Variants in PSMB2 observed in about 807,000 individuals in gnomAD.
PSMB2 encodes the protein proteasome subunit beta type-2.
Under a neutral mutation model 25.7 loss-of-function variants are expected in PSMB2, and 13 were observed. The ratio of observed to expected loss-of-function variants is 0.51; its 90% CI spans 0.33 to 0.80. The LOEUF (loss-of-function observed/expected upper bound fraction) is 0.80. Ranked by LOEUF, PSMB2 falls within the 30% of genes least tolerant of loss-of-function variation. PSMB2 has a pLI of 0.02. For missense variants in PSMB2, 202 were observed against 259.0 expected, an observed-to-expected ratio of 0.78 and a Z score of 1.51; for synonymous variants, 87 against 96.2, an observed-to-expected ratio of 0.90 and a Z score of 0.56.
At chr1:35,628,631 A>ATTT (rs138110586) in intron 3 of PSMB2, among the ~76,000 whole-genome samples, 3 of 38,082 alleles carry the variant, frequency 7.9e-5, no homozygotes, top group African/African-American at 1.3e-4. Flanking sequence ...ATATATATAT[A>ATTT]TTTTTTTTTT....
chr1:35,601,129 T>C lies in PSMB2; in HGVS notation c.*2138A>G, dbSNP rs1291428793. 5.5e-5 allele frequency: 46 copies of C among 842,924 alleles called. No homozygotes were observed. The highest frequency in any genetic ancestry group is 6.2e-5 in the Non-Finnish European group (44 of 712,030). The allele number at this position is 842,924 out of a possible 1,614,324, so 52.2% of individuals were successfully genotyped here. Reference sequence around the variant, plus strand: ...TCAGCCAGGCTGGAGTGCAGTGGCATGATCTCGGCTCACTGCAACCTCCCT... The same window carrying C: ...TCAGCCAGGCTGGAGTGCAGTGGCACGATCTCGGCTCACTGCAACCTCCCT... On this transcript the variant is annotated 3_prime_UTR_variant, in exon 6 of 6. Coordinates refer to ENST00000373237, the MANE Select transcript of PSMB2 (RefSeq NM_002794.5).
rs1288468933 is a variant in PSMB2, at chr1:35,633,484, C to CCAAACACAGTTTTTGTCTGTG, written c.215-2161_215-2141dup. On this transcript the variant is annotated intron_variant, in intron 2 of 5. Transcript: ENST00000373237. ...TAAGGGTCTTTAAGGGCAATTTTAA[C>CCAAACACAGTTTTTGTCTGTG]CAAACACAGTTTTTGTCTGTGCACT... Among the ~76,000 whole-genome samples, 10 of 56,634 alleles carry CCAAACACAGTTTTTGTCTGTG rather than the reference C, an allele frequency of 1.8e-4. No individual in the cohort carries two copies. The East Asian group carries it at 2.0e-3, about 12-fold the overall frequency. 37.2% of individuals were successfully genotyped at this position (56,634 alleles called of 152,430 possible).
chr1:35,607,612 G>A (rs1650205096), intron 4 of PSMB2, among the ~76,000 whole-genome samples: 1 of 152,222 alleles, frequency 6.6e-6, no homozygotes, highest in African/African-American at 2.4e-5. Flanking sequence ...AGGGAGGACA[G>A]TATGGCGGTC....
At chr1:35,629,491 G>C (rs1395858760) in intron 3 of PSMB2, among the ~76,000 whole-genome samples, 1 of 152,120 alleles carries the variant, frequency 6.6e-6, no homozygotes, top group Non-Finnish European at 1.5e-5. Flanking sequence ...TGTATGCTTT[G>C]GGAAAAAGTC....
Position 35,601,145 on chromosome 1 carries a change from C to A in PSMB2, c.*2122G>T, listed in dbSNP as rs960143353. The stretch of plus-strand genomic sequence containing the variant: ...GCAGTGGCATGATCTCGGCTCACTG[C>A]AACCTCCCTCTCCCGGGCTCAAGCA... On this transcript the variant is annotated 3_prime_UTR_variant, in exon 6 of 6. Coordinates refer to ENST00000373237, the MANE Select transcript of PSMB2 (RefSeq NM_002794.5). The A allele has an allele frequency of 2.3e-5, 18 of 779,186 alleles. 1 individual carries two copies. In the African/African-American group the frequency reaches 3.7e-4, roughly 16 times the overall value. 48.3% of individuals were successfully genotyped at this position (779,186 alleles called of 1,614,324 possible). A position where few individuals can be genotyped will look rare whatever the true frequency, so the allele number is the denominator to read the frequency against.
chr1:35,611,024 G>A (rs1246477493), intron 3 of PSMB2, among the ~76,000 whole-genome samples: 1 of 151,930 alleles, frequency 6.6e-6, no homozygotes, highest in Non-Finnish European at 1.5e-5. Context: ...CATTTACCAT[G>A]TTAAATTCAG....
intron 4 of PSMB2, among the ~76,000 whole-genome samples, chr1:35,606,510 T>C (rs926615637): frequency 6.6e-6 from 1 of 152,082 alleles, no homozygotes; most frequent in Admixed American, 6.6e-5. Context: ...AAGACCTCTA[T>C]AACGAAAACT....
intron 1 of PSMB2, among the ~76,000 whole-genome samples, chr1:35,640,905 G>A (rs557929827): frequency 2.0e-5 from 3 of 152,150 alleles, no homozygotes; most frequent in African/African-American, 7.2e-5. Flanking sequence ...AAATGCCAAG[G>A]TCCCAGACCT....
intron 3 of PSMB2, among the ~76,000 whole-genome samples, chr1:35,626,259 T>C (rs953197607): frequency 3.3e-5 from 5 of 152,364 alleles, no homozygotes; most frequent in South Asian, 2.1e-4. Flanking sequence ...TGAAGGCTTC[T>C]GAATTTTTTC....
At chr1:35,608,600 AATT>A (rs1357462708) in intron 4 of PSMB2, among the ~76,000 whole-genome samples, 1 of 152,224 alleles carries the variant, frequency 6.6e-6, no homozygotes, top group African/African-American at 2.4e-5. Context: ...ATATATGTAC[AATT>A]ATTATTTGTC....
chr1:35,602,843 A>T lies in PSMB2; in HGVS notation c.*424T>A. 1.2e-6 allele frequency: 1 copy of T among 856,654 alleles called. No individual in the cohort carries two copies. Among genetic ancestry groups the T allele is most frequent in the Non-Finnish European group, 1.4e-6 (1 of 709,872 alleles). The allele number at this position is 856,654 out of a possible 1,614,324, so 53.1% of individuals were successfully genotyped here. A position where few individuals can be genotyped will look rare whatever the true frequency, so the allele number is the denominator to read the frequency against. On this transcript the variant is annotated 3_prime_UTR_variant, in exon 6 of 6. Coordinates refer to ENST00000373237, the MANE Select transcript of PSMB2 (RefSeq NM_002794.5). ...CATGTTTTTGTACTGTTTGCATGTTACATTAAGTGCATGTATTATTAATTC... is the reference window on the plus strand; with the variant it reads ...CATGTTTTTGTACTGTTTGCATGTTTCATTAAGTGCATGTATTATTAATTC...
chr1:35,631,557 A>G, intron 2 of PSMB2: 2 of 1,312,648 alleles, frequency 1.5e-6, no homozygotes, highest in South Asian at 1.7e-5. Context: ...TCTTGGCCAC[A>G]AACAGAACCA....
intron 3 of PSMB2, among the ~76,000 whole-genome samples, chr1:35,623,968 T>G (rs1399975021): frequency 6.6e-6 from 1 of 152,174 alleles, no homozygotes; most frequent in African/African-American, 2.4e-5. Flanking sequence ...ACCTAAGGCA[T>G]GAGAAGAATA....
chr1:35,612,653 C>T (rs1287558607), intron 3 of PSMB2, among the ~76,000 whole-genome samples: 3 of 152,274 alleles, frequency 2.0e-5, no homozygotes, highest in Non-Finnish European at 4.4e-5. Context: ...TGGTATCCCT[C>T]CCCAAGAGAA....
intron 3 of PSMB2, among the ~76,000 whole-genome samples, chr1:35,611,097 G>C (rs1650317947): frequency 6.6e-6 from 1 of 152,032 alleles, no homozygotes; most frequent in Admixed American, 6.6e-5. Flanking sequence ...CTTTTTCTCT[G>C]CAGGATGTGT....
intron 3 of PSMB2, among the ~76,000 whole-genome samples, chr1:35,616,887 A>G (rs890194226): frequency 6.6e-6 from 1 of 152,212 alleles, no homozygotes; most frequent in Non-Finnish European, 1.5e-5. Flanking sequence ...GAAGGACTTC[A>G]TATGTGAATT....
intron 3 of PSMB2, among the ~76,000 whole-genome samples, chr1:35,629,478 T>C (rs1026171728): frequency 6.6e-6 from 1 of 152,170 alleles, no homozygotes; most frequent in Non-Finnish European, 1.5e-5. Context: ...GGAGGAACAA[T>C]GCTGTATGCT....
chr1:35,614,382 A>G (rs1415294052), intron 3 of PSMB2, among the ~76,000 whole-genome samples: 6 of 152,260 alleles, frequency 3.9e-5, no homozygotes, highest in Admixed American at 2.0e-4. Flanking sequence ...CTCTTGACAA[A>G]GAATCTCTTA....
In PSMB2 at chr1:35,599,659, T is replaced by C. The variant is rs146775691; in HGVS notation, c.*3608A>G. The C allele has an allele frequency of 1.0e-6, 1 of 984,596 alleles. No homozygotes were observed. Among genetic ancestry groups the C allele is most frequent in the African/African-American group, 1.7e-5 (1 of 57,336 alleles). The allele number at this position is 984,596 out of a possible 1,614,324, so 61.0% of individuals were successfully genotyped here. On this transcript the variant is annotated 3_prime_UTR_variant, in exon 6 of 6. Coordinates refer to ENST00000373237, the MANE Select transcript of PSMB2 (RefSeq NM_002794.5). ...ATCAAAGAATTGGGCTTTATTCTCT[T>C]AAGCCATGGAAAACCACCAGAAAGT...
Sources: allele counts gnomAD v4.1 joint callset (sites outside exome capture counted in the v4.1 genomes callset), GRCh38; gene constraint gnomAD v4.1.1; transcripts MANE v1.5; gene names NCBI Gene and HGNC (gene_info 2026-07-23, HGNC 2026-07-21).